The following CDH13 variants were observed in gnomAD, a reference collection of about 807,000 sequenced individuals.
CDH13 encodes the protein cadherin 13.
A neutral mutation model predicts 63.8 loss-of-function variants in CDH13; 24 were observed. The observed-to-expected ratio is 0.38, with a 90% CI of 0.27 to 0.53. The LOEUF is 0.53. Ranked by LOEUF, CDH13 falls within the 20% of genes least tolerant of loss-of-function variation. CDH13 has a pLI of 0.85. For missense variants in CDH13, 1,049 were observed against 903.1 expected, an observed-to-expected ratio of 1.16 and a Z score of -2.07; for synonymous variants, 503 against 355.3, an observed-to-expected ratio of 1.42 and a Z score of -4.67.
intron 1 of CDH13, among the ~76,000 whole-genome samples, chr16:82,707,170 A>G (rs2031561223): frequency 6.6e-6 from 1 of 152,238 alleles, no homozygotes; most frequent in Admixed American, 6.5e-5. Flanking sequence ...ATTTAGTTGT[A>G]TCAAGCTTAA....
chr16:83,635,022 T>A (rs1911128569), intron 8 of CDH13, among the ~76,000 whole-genome samples: 2 of 152,192 alleles, frequency 1.3e-5, no homozygotes, highest in South Asian at 2.1e-4. Flanking sequence ...CTAAACCATT[T>A]TCATCCTTAT....
intron 1 of CDH13, among the ~76,000 whole-genome samples, chr16:82,835,512 G>T (rs1362532591): frequency 6.6e-6 from 1 of 152,170 alleles, no homozygotes; most frequent in Non-Finnish European, 1.5e-5. Flanking sequence ...TTCAGTTGCT[G>T]TAGCCCTTGA....
At chr16:82,647,017 G>C (rs147087144) in intron 1 of CDH13, among the ~76,000 whole-genome samples, 2 of 152,320 alleles carry the variant, frequency 1.3e-5, no homozygotes, top group East Asian at 3.9e-4. Context: ...TACTATTGCT[G>C]TAGTGCAGTG....
intron 1 of CDH13, among the ~76,000 whole-genome samples, chr16:82,815,639 T>A (rs1016691318): frequency 1.3e-5 from 2 of 152,188 alleles, no homozygotes; most frequent in Admixed American, 6.5e-5. Context: ...TGGATGCTGC[T>A]TCGTTTGTAG....
chr16:83,024,330 C>G (rs182258028), intron 2 of CDH13, among the ~76,000 whole-genome samples: 88 of 152,140 alleles, frequency 5.8e-4, no homozygotes, highest in Middle Eastern at 3.4e-3. Flanking sequence ...ATTATAAATA[C>G]TACATTCAAA....
intron 4 of CDH13, among the ~76,000 whole-genome samples, chr16:83,156,934 T>C (rs12599867): frequency 0.25 from 38,306 of 152,082 alleles, 4,923 homozygotes; most frequent in South Asian, 0.35. Flanking sequence ...TTTCCCACAG[T>C]GCTCTTCAAA....
chr16:82,853,701 A>G (rs533793264), intron 1 of CDH13, among the ~76,000 whole-genome samples: 1 of 152,236 alleles, frequency 6.6e-6, no homozygotes, highest in Admixed American at 6.5e-5. Context: ...TTTGTTAATC[A>G]TAGAATTTGA....
intron 7 of CDH13, among the ~76,000 whole-genome samples, chr16:83,565,694 T>C (rs1171416622): frequency 1.3e-5 from 2 of 152,202 alleles, no homozygotes; most frequent in African/African-American, 4.8e-5. Context: ...TCCTTGCTTT[T>C]AACTGATTTA....
intron 1 of CDH13, among the ~76,000 whole-genome samples, chr16:82,745,479 C>A (rs1476750617): frequency 1.3e-5 from 2 of 152,130 alleles, no homozygotes; most frequent in Non-Finnish European, 2.9e-5. Flanking sequence ...TGGCGGGCGC[C>A]TGTAACCCCA....
intron 7 of CDH13, among the ~76,000 whole-genome samples, chr16:83,536,507 T>G (rs923395768): frequency 2.0e-5 from 3 of 151,438 alleles, no homozygotes; most frequent in South Asian, 2.1e-4. Flanking sequence ...ATGCAGTGAG[T>G]GTGGGTGTAG....
intron 6 of CDH13, among the ~76,000 whole-genome samples, chr16:83,378,309 C>T (rs917948675): frequency 6.6e-6 from 1 of 152,194 alleles, no homozygotes; most frequent in Admixed American, 6.5e-5. Context: ...TAACTTACAC[C>T]TGACCTTTCT....
chr16:82,711,509 A>C (rs2031942480), intron 1 of CDH13, among the ~76,000 whole-genome samples: 1 of 152,286 alleles, frequency 6.6e-6, no homozygotes, highest in Admixed American at 6.5e-5. Flanking sequence ...TCAAGAGGTG[A>C]TGCCACTTGA....
At chr16:82,968,538 C>T (rs1292363281) in intron 2 of CDH13, among the ~76,000 whole-genome samples, 1 of 152,174 alleles carries the variant, frequency 6.6e-6, no homozygotes, top group Admixed American at 6.5e-5. Context: ...TTCCTGAACA[C>T]TTCATGCTTT....
At chr16:82,788,638 C>A (rs1028063320) in intron 1 of CDH13, among the ~76,000 whole-genome samples, 1 of 152,166 alleles carries the variant, frequency 6.6e-6, no homozygotes, top group African/African-American at 2.4e-5. Flanking sequence ...AATTACCCCT[C>A]GTTCTATCTA....
intron 5 of CDH13, among the ~76,000 whole-genome samples, chr16:83,306,320 C>T (rs187806029): frequency 5.9e-5 from 9 of 152,220 alleles, no homozygotes; most frequent in East Asian, 1.9e-4. Flanking sequence ...GTGTCGGGAG[C>T]GGGGAGGCTA....
intron 6 of CDH13, among the ~76,000 whole-genome samples, chr16:83,435,368 T>C (rs1428338747): frequency 6.6e-6 from 1 of 152,048 alleles, no homozygotes; most frequent in Non-Finnish European, 1.5e-5. Context: ...TTTTTAACGG[T>C]GTAGGCAAAA....
At chr16:83,353,257 C>T (rs952178790) in intron 6 of CDH13, among the ~76,000 whole-genome samples, 1 of 152,248 alleles carries the variant, frequency 6.6e-6, no homozygotes, top group Non-Finnish European at 1.5e-5. Flanking sequence ...CCAAGTTGCT[C>T]CTAACTATGT....
At chr16:83,594,802 G>A (rs1234427662) in intron 7 of CDH13, among the ~76,000 whole-genome samples, 1 of 152,210 alleles carries the variant, frequency 6.6e-6, no homozygotes, top group African/African-American at 2.4e-5. Context: ...GGAAGTCATT[G>A]TAGCTGTGCA....
At chr16:83,492,742 G>A (rs1206981909) in intron 7 of CDH13, among the ~76,000 whole-genome samples, 1 of 152,132 alleles carries the variant, frequency 6.6e-6, no homozygotes, top group Non-Finnish European at 1.5e-5. Flanking sequence ...TGGCAATGGG[G>A]ATTGGTGGGA....
Sources: allele counts gnomAD v4.1 joint callset (sites outside exome capture counted in the v4.1 genomes callset), GRCh38; gene constraint gnomAD v4.1.1; transcripts MANE v1.5; gene names NCBI Gene and HGNC (gene_info 2026-07-23, HGNC 2026-07-21).